SOX5: variants seen among roughly 807,000 people sequenced by gnomAD.
SOX5 encodes transcription factor SOX-5.
Under a neutral mutation model 92.0 loss-of-function variants are expected in SOX5, and 9 were observed. The ratio of observed to expected loss-of-function variants is 0.10; its 90% CI spans 0.06 to 0.17. The LOEUF (loss-of-function observed/expected upper bound fraction) is 0.17. Among genes scored for constraint, SOX5 ranks in the 10% least tolerant of loss-of-function variants. The pLI, the probability that SOX5 is intolerant of heterozygous loss-of-function variation, is 1.00. For synonymous variants in SOX5, 344 were observed against 336.3 expected, an observed-to-expected ratio of 1.02 and a Z score of -0.25; for missense variants, 642 against 944.5, an observed-to-expected ratio of 0.68 and a Z score of 4.20.
At chr12:23,706,408 C>A (rs778280195) in intron 6 of SOX5, among the ~76,000 whole-genome samples, 1 of 151,914 alleles carries the variant, frequency 6.6e-6, no homozygotes, top group Non-Finnish European at 1.5e-5. Context: ...CAGATAAATT[C>A]TTACAGGATT....
intron 4 of SOX5, among the ~76,000 whole-genome samples, chr12:24,026,426 C>T (rs911422549): frequency 2.0e-5 from 3 of 151,678 alleles, no homozygotes; most frequent in Non-Finnish European, 2.9e-5. Context: ...GAGGCCTTGA[C>T]CATAGAGAAG....
chr12:23,829,323 T>C (rs190519284), intron 3 of SOX5, among the ~76,000 whole-genome samples: 1 of 152,150 alleles, frequency 6.6e-6, no homozygotes, highest in East Asian at 1.9e-4. Flanking sequence ...CACAAAATCC[T>C]CCAGCTAGTC....
intron 1 of SOX5, among the ~76,000 whole-genome samples, chr12:24,557,644 C>T (rs910032019): frequency 6.6e-6 from 1 of 152,202 alleles, no homozygotes; most frequent in African/African-American, 2.4e-5. Context: ...AACTAAAGTC[C>T]GCTCATCCCT....
chr12:23,656,783 A>G (rs562084033), intron 7 of SOX5, among the ~76,000 whole-genome samples: 1 of 151,932 alleles, frequency 6.6e-6, no homozygotes, highest in East Asian at 1.9e-4. Flanking sequence ...AATATATATA[A>G]TGGATTCATA....
chr12:24,035,948 A>G (rs1955990398), intron 4 of SOX5, among the ~76,000 whole-genome samples: 1 of 152,048 alleles, frequency 6.6e-6, no homozygotes, highest in Admixed American at 6.6e-5. Context: ...TCAAATTTAA[A>G]ATAAAAACAA....
At chr12:24,531,360 C>G (rs1265102427) in intron 1 of SOX5, among the ~76,000 whole-genome samples, 2 of 152,066 alleles carry the variant, frequency 1.3e-5, no homozygotes, top group Non-Finnish European at 2.9e-5. Flanking sequence ...TTTTGAAAGA[C>G]CCTGTGCATT....
At position 23,794,520 on chromosome 12, in the gene SOX5, G is replaced by A. The variant is rs147933291; in HGVS notation, c.482-38796C>T. On this transcript the variant is annotated intron_variant, in intron 3 of 14. Transcript: ENST00000451604. Reference sequence around the variant, plus strand: ...TATTCTTTATTTTTTACCTCCAGCAGGGTTAGAGGTAGAGCCTTACTTATT... The same window carrying A: ...TATTCTTTATTTTTTACCTCCAGCAAGGTTAGAGGTAGAGCCTTACTTATT... Among the ~76,000 whole-genome samples the A allele has an allele frequency of 4.6e-5, 7 of 152,164 alleles. No individual in the cohort carries two copies. The East Asian group carries it at 1.2e-3, about 25-fold the overall frequency.
chr12:23,793,616 G>C (rs548003051), intron 3 of SOX5, among the ~76,000 whole-genome samples: 1 of 152,318 alleles, frequency 6.6e-6, no homozygotes, highest in Non-Finnish European at 1.5e-5. Flanking sequence ...GGGTAAGCAA[G>C]ATCATGTTGT....
chr12:24,423,374 G>A (rs1185827815), intron 1 of SOX5, among the ~76,000 whole-genome samples: 1 of 152,164 alleles, frequency 6.6e-6, no homozygotes, highest in Admixed American at 6.5e-5. Context: ...TGTCTTTTGT[G>A]ATTTCCTCAA....
At chr12:24,238,943 A>G (rs551713587) in intron 3 of SOX5, among the ~76,000 whole-genome samples, 5 of 152,270 alleles carry the variant, frequency 3.3e-5, no homozygotes, top group African/African-American at 1.2e-4. Flanking sequence ...TTATTTCCCA[A>G]TTGTTCATTA....
At chr12:23,955,745 G>T (rs575436702), upstream of SOX5, among the ~76,000 whole-genome samples, 4 of 148,626 alleles carry the variant, frequency 2.7e-5, no homozygotes, top group South Asian at 6.5e-4. Context: ...TTTCTTTTGA[G>T]TAAAAAAAAA....
intron 10 of SOX5, among the ~76,000 whole-genome samples, chr12:23,575,290 G>A (rs557289364): frequency 7.4e-4 from 112 of 152,228 alleles, no homozygotes; most frequent in African/African-American, 2.6e-3. Context: ...TCATCATAAT[G>A]TATACTTTGT....
At chr12:23,615,266 T>C (rs1043706282) in intron 8 of SOX5, among the ~76,000 whole-genome samples, 8 of 152,162 alleles carry the variant, frequency 5.3e-5, no homozygotes, top group African/African-American at 1.7e-4. Context: ...TGCATTCAGA[T>C]CTTTTGCTTT....
intron 1 of SOX5, among the ~76,000 whole-genome samples, chr12:23,918,599 T>C (rs1483373612): frequency 1.3e-5 from 2 of 152,206 alleles, no homozygotes; most frequent in East Asian, 3.8e-4. Flanking sequence ...CTTTCAAATA[T>C]TTTACCTGCC....
chr12:23,719,495 C>T (rs1368217591), intron 6 of SOX5, among the ~76,000 whole-genome samples: 2 of 152,058 alleles, frequency 1.3e-5, no homozygotes, highest in Admixed American at 6.6e-5. Flanking sequence ...CCTGTAATCC[C>T]AGCACTTTGG....
At chr12:24,122,047 A>G (rs1948686418) in intron 4 of SOX5, among the ~76,000 whole-genome samples, 3 of 152,140 alleles carry the variant, frequency 2.0e-5, no homozygotes, top group Admixed American at 6.5e-5. Flanking sequence ...AACCACAAAC[A>G]TCTCAATTGA....
chr12:24,036,244 A>C (rs1391726471), intron 4 of SOX5, among the ~76,000 whole-genome samples: 1 of 152,066 alleles, frequency 6.6e-6, no homozygotes, highest in Non-Finnish European at 1.5e-5. Flanking sequence ...AGTAGCAATA[A>C]CGACAGTTAA....
intron 1 of SOX5, among the ~76,000 whole-genome samples, chr12:23,947,911 C>A (rs768244816): frequency 8.6e-5 from 13 of 151,966 alleles, no homozygotes; most frequent in African/African-American, 3.1e-4. Context: ...TGTTAACAGG[C>A]TTACAAATCA....
intron 4 of SOX5, among the ~76,000 whole-genome samples, chr12:24,174,801 C>G (rs893377351): frequency 1.3e-5 from 2 of 150,960 alleles, no homozygotes; most frequent in African/African-American, 4.9e-5. Flanking sequence ...GCCCGGGCCA[C>G]AAGAGTGAAC....
Sources: allele counts gnomAD v4.1 joint callset (sites outside exome capture counted in the v4.1 genomes callset), GRCh38; gene constraint gnomAD v4.1.1; transcripts MANE v1.5; gene names NCBI Gene and HGNC (gene_info 2026-07-23, HGNC 2026-07-21).